TFEC: variants seen among roughly 807,000 people sequenced by gnomAD.
TFEC encodes class E basic helix-loop-helix protein 34.
In TFEC, 31 loss-of-function variants were observed where a neutral mutation model predicts 41.6. The observed-to-expected ratio is 0.74, with a 90% confidence interval of 0.56 to 1.01. The LOEUF (loss-of-function observed/expected upper bound fraction) is 1.01, where lower values mean the gene tolerates loss of function less well. Among genes scored for constraint, TFEC ranks in the 50% least tolerant of loss-of-function variants. The pLI is 0.00. For missense variants in TFEC, 402 were observed against 404.1 expected (o/e 0.99, Z 0.04); for synonymous variants, 143 against 140.6 (o/e 1.02, Z -0.12).
intron 3 of TFEC, among the ~76,000 whole-genome samples, chr7:116,056,541 C>A (rs1796435289): frequency 6.6e-6 from 1 of 152,102 alleles, no homozygotes; most frequent in Non-Finnish European, 1.5e-5. Context: ...CATTTCCCAC[C>A]AGCCATACTG....
upstream of TFEC, among the ~76,000 whole-genome samples, chr7:116,035,636 C>T (rs1181784582): frequency 6.6e-6 from 1 of 151,842 alleles, no homozygotes; most frequent in African/African-American, 2.4e-5. Flanking sequence ...AAATATTAAA[C>T]ACACGATAAG....
chr7:116,005,396 G>T (rs962519260), intron 1 of TFEC, among the ~76,000 whole-genome samples: 9 of 152,182 alleles, frequency 5.9e-5, no homozygotes, highest in African/African-American at 2.2e-4. Context: ...GTCTCAGAGG[G>T]AGATGAGGAA....
chr7:116,112,174 C>T (rs1797869974), intron 1 of TFEC: 1 of 243,408 alleles, frequency 4.1e-6, no homozygotes, highest in Admixed American at 6.5e-5. Context: ...GCATCTTATA[C>T]ACAACAGGAC....
intron 3 of TFEC, among the ~76,000 whole-genome samples, chr7:116,041,985 C>G (rs908271598): frequency 2.6e-5 from 4 of 151,784 alleles, no homozygotes; most frequent in Admixed American, 2.6e-4. Context: ...TACAAAGCTA[C>G]AAATCAAGCA....
chr7:116,078,598 T>C (rs1379585574), intron 3 of TFEC, among the ~76,000 whole-genome samples: 1 of 152,072 alleles, frequency 6.6e-6, no homozygotes, highest in Non-Finnish European at 1.5e-5. Flanking sequence ...GATGGATAAA[T>C]TCTTGGAAAT....
intron 1 of TFEC, among the ~76,000 whole-genome samples, chr7:115,992,460 C>T (rs902245104): frequency 1.3e-5 from 2 of 152,008 alleles, no homozygotes; most frequent in African/African-American, 4.8e-5. Flanking sequence ...AGACCGCTAG[C>T]AAGACTGTTA....
chr7:116,027,186 G>C (rs550252459), intron 1 of TFEC, among the ~76,000 whole-genome samples: 1 of 152,122 alleles, frequency 6.6e-6, no homozygotes. Flanking sequence ...TCAATAATAC[G>C]GTAGGTACTG....
At chr7:115,975,606 ATTC>A (rs1263263920) in intron 2 of TFEC, among the ~76,000 whole-genome samples, 1 of 152,196 alleles carries the variant, frequency 6.6e-6, no homozygotes, top group East Asian at 1.9e-4. Context: ...ACAGCAGGAA[ATTC>A]TTCCTCTTAT....
intron 2 of TFEC, among the ~76,000 whole-genome samples, chr7:115,978,162 T>G (rs1793469166): frequency 6.6e-6 from 1 of 152,070 alleles, no homozygotes; most frequent in Non-Finnish European, 1.5e-5. Flanking sequence ...AGAGACACAC[T>G]TAAAAGTAAA....
In TFEC at chr7:116,078,280, T is replaced by C. The variant is rs185560488; in HGVS notation, c.198+32428A>G. On this transcript the variant is annotated intron_variant, in intron 3 of 8. Coordinates refer to the TFEC transcript ENST00000484212. ...AATCTAAGGTCACATCACACAGAAC[T>C]TGAGAAACAAGAACAAACCAAACCC... is the stretch of plus-strand genomic sequence containing the variant. Among the ~76,000 whole-genome samples, 19 of 150,776 alleles carry C rather than the reference T, an allele frequency of 1.3e-4. No individual in the cohort carries two copies. In the East Asian group the frequency reaches 3.1e-3, roughly 25 times the overall value.
At chr7:115,941,830 A>G in intron 7 of TFEC, 63 bp downstream of exon 7, 2 of 1,485,948 alleles carry the variant, frequency 1.3e-6, no homozygotes, top group Non-Finnish European at 1.8e-6. Flanking sequence ...ACCAATGAAG[A>G]AAACTGATGA....
At chr7:115,951,845 T>A (rs1791959837) in intron 5 of TFEC, among the ~76,000 whole-genome samples, 1 of 152,058 alleles carries the variant, frequency 6.6e-6, no homozygotes, top group Admixed American at 6.6e-5. Flanking sequence ...CAACATACAA[T>A]ATATATCTGT....
rs549352846 is a variant in TFEC at position 116,058,850 on chromosome 7, G to A, written c.198+51858C>T. 2.6e-5 allele frequency among the ~76,000 whole-genome samples: 4 copies of A among 151,832 alleles called. No homozygotes were observed. The South Asian group carries it at 8.3e-4, about 31-fold the overall frequency. ...AGTATTTTTGAACTGAATGAAGACA[G>A]GAGTAAAACAGACTTAAATTTGTGA... On this transcript the variant is annotated intron_variant, in intron 3 of 8. Transcript: ENST00000484212.
At chr7:116,045,301 G>A (rs1026457056) in intron 3 of TFEC, among the ~76,000 whole-genome samples, 61 of 152,348 alleles carry the variant, frequency 4.0e-4, no homozygotes, top group Middle Eastern at 3.4e-3. Flanking sequence ...AATGAGACTG[G>A]CGGCATTTTG....
rs1164061709 is a variant in TFEC, at chr7:115,958,524, A to G, written c.268-1731T>C. 2.0e-5 allele frequency among the ~76,000 whole-genome samples: 3 copies of G among 151,866 alleles called. No homozygotes were observed. In the East Asian group the frequency reaches 5.8e-4, roughly 29 times the overall value. The stretch of plus-strand genomic sequence containing the variant: ...AAGAGCCTGAATTCAGATGGACTTC[A>G]ATGAAGAAGTGGCAAGTTGCAGAAA... On this transcript the variant is annotated intron_variant, in intron 3 of 7. Coordinates refer to ENST00000265440, the MANE Select transcript of TFEC (RefSeq NM_012252.4).
intron 1 of TFEC, among the ~76,000 whole-genome samples, chr7:115,989,875 T>C (rs1562916437): frequency 6.6e-6 from 1 of 151,878 alleles, no homozygotes; most frequent in African/African-American, 2.4e-5. Context: ...TTGAAGAGAG[T>C]AGTGGTTCTC....
intron 1 of TFEC, among the ~76,000 whole-genome samples, chr7:116,147,257 T>TA (rs982530613): frequency 2.0e-4 from 30 of 152,324 alleles, no homozygotes; most frequent in African/African-American, 5.8e-4. Flanking sequence ...TCAAGGTTTT[T>TA]ATCAGAATTA....
chr7:116,122,436 A>G (rs1244631134), intron 1 of TFEC, among the ~76,000 whole-genome samples: 1 of 152,074 alleles, frequency 6.6e-6, no homozygotes, highest in African/African-American at 2.4e-5. Context: ...CTCCCGTAAC[A>G]CTGAACAGCA....
chr7:116,156,107 G>A (rs1456347591), intron 1 of TFEC, among the ~76,000 whole-genome samples: 1 of 152,104 alleles, frequency 6.6e-6, no homozygotes, highest in African/African-American at 2.4e-5. Flanking sequence ...AGGAGTCCTG[G>A]TTACTCCCTT....
Sources: allele counts gnomAD v4.1 joint callset (sites outside exome capture counted in the v4.1 genomes callset), GRCh38; gene constraint gnomAD v4.1.1; transcripts MANE v1.5; gene names NCBI Gene and HGNC (gene_info 2026-07-23, HGNC 2026-07-21).